Variants in KCNH7 observed in about 807,000 individuals in gnomAD.
The protein encoded by KCNH7 is voltage-gated inwardly rectifying potassium channel KCNH7.
In KCNH7, 49 loss-of-function variants were observed where a neutral mutation model predicts 120.8. The ratio of observed to expected loss-of-function variants is 0.41; its 90% CI spans 0.32 to 0.51. The LOEUF is 0.51. Ranked by LOEUF, KCNH7 falls within the 20% of genes least tolerant of loss-of-function variation. KCNH7 has a pLI of 0.38. For missense variants in KCNH7, 1,097 were observed against 1,446.6 expected, an observed-to-expected ratio of 0.76 and a Z score of 3.92; for synonymous variants, 547 against 516.1, an observed-to-expected ratio of 1.06 and a Z score of -0.81.
intron 2 of KCNH7, among the ~76,000 whole-genome samples, chr2:162,631,444 C>A (rs1239197313): frequency 1.3e-5 from 2 of 152,016 alleles, no homozygotes; most frequent in African/African-American, 2.4e-5. Context: ...TGTATCTGAA[C>A]TGTTTCTTAT....
chr2:162,436,558 G>A (rs1215514515), intron 7 of KCNH7, among the ~76,000 whole-genome samples: 2 of 151,972 alleles, frequency 1.3e-5, no homozygotes, highest in Admixed American at 1.3e-4. Context: ...CATTTCTTAG[G>A]TTTCCTAAAT....
chr2:162,408,764 T>C (rs918811287), intron 9 of KCNH7, among the ~76,000 whole-genome samples: 1 of 151,790 alleles, frequency 6.6e-6, no homozygotes, highest in South Asian at 2.1e-4. Flanking sequence ...ATCTGAAAAG[T>C]AGAAATTTTA....
At chr2:162,654,047 A>G (rs567751032) in intron 2 of KCNH7, among the ~76,000 whole-genome samples, 2 of 152,218 alleles carry the variant, frequency 1.3e-5, no homozygotes, top group South Asian at 4.1e-4. Flanking sequence ...AACTACCGGA[A>G]TAAAACATAG....
chr2:162,378,674 C>A (rs759423495), intron 14 of KCNH7, among the ~76,000 whole-genome samples: 1 of 152,138 alleles, frequency 6.6e-6, no homozygotes, highest in Non-Finnish European at 1.5e-5. Context: ...ACAAATTATT[C>A]TCAGGTCACC....
chr2:162,596,503 A>G (rs1447405961), intron 2 of KCNH7, among the ~76,000 whole-genome samples: 1 of 152,032 alleles, frequency 6.6e-6, no homozygotes, highest in Non-Finnish European at 1.5e-5. Context: ...GGCTCTCTAC[A>G]TGCACAATAA....
At chr2:162,811,992 A>G (rs1404796343) in intron 2 of KCNH7, among the ~76,000 whole-genome samples, 1 of 152,226 alleles carries the variant, frequency 6.6e-6, no homozygotes, top group Non-Finnish European at 1.5e-5. Flanking sequence ...TCAAAGAAAT[A>G]GAATAAATTA....
At chr2:162,477,183 G>C (rs560202205) in intron 6 of KCNH7, among the ~76,000 whole-genome samples, 1 of 152,324 alleles carries the variant, frequency 6.6e-6, no homozygotes, top group South Asian at 2.1e-4. Flanking sequence ...TGAAAGCTTA[G>C]AGCCTTATGA....
intron 2 of KCNH7, among the ~76,000 whole-genome samples, chr2:162,745,299 G>C (rs915525515): frequency 6.6e-6 from 1 of 152,018 alleles, no homozygotes; most frequent in Non-Finnish European, 1.5e-5. Context: ...CTTAAAAGAG[G>C]CTCACTTACC....
chr2:162,679,994 A>G (rs1056025644), intron 2 of KCNH7, among the ~76,000 whole-genome samples: 3 of 151,822 alleles, frequency 2.0e-5, no homozygotes, highest in Non-Finnish European at 4.4e-5. Flanking sequence ...CTAAATCAAT[A>G]AAGAATATGG....
At chr2:162,472,551 A>T (rs1322415464) in intron 6 of KCNH7, among the ~76,000 whole-genome samples, 2 of 152,176 alleles carry the variant, frequency 1.3e-5, no homozygotes, top group Non-Finnish European at 2.9e-5. Flanking sequence ...ACCATCTCAC[A>T]CCACTTAGAA....
intron 9 of KCNH7, among the ~76,000 whole-genome samples, chr2:162,415,914 T>C (rs1458991189): frequency 6.6e-6 from 1 of 152,200 alleles, no homozygotes; most frequent in Non-Finnish European, 1.5e-5. Context: ...CCACCCATGA[T>C]TTCTCTAGGC....
At chr2:162,380,956 G>A (rs1197343556) in intron 13 of KCNH7, among the ~76,000 whole-genome samples, 2 of 151,938 alleles carry the variant, frequency 1.3e-5, no homozygotes, top group Non-Finnish European at 2.9e-5. Context: ...ATATTTGGGG[G>A]AAAATATGTC....
chr2:162,426,885 C>A (rs979767906), intron 8 of KCNH7, among the ~76,000 whole-genome samples: 2 of 151,826 alleles, frequency 1.3e-5, no homozygotes, highest in Non-Finnish European at 2.9e-5. Flanking sequence ...TCACTTCAGA[C>A]CTTAGACAAC....
intron 2 of KCNH7, among the ~76,000 whole-genome samples, chr2:162,724,405 G>A (rs1687439637): frequency 6.6e-6 from 1 of 152,086 alleles, no homozygotes; most frequent in African/African-American, 2.4e-5. Flanking sequence ...GGGCGCGGTG[G>A]CTCACGCCTG....
chr2:162,629,813 C>T (rs1053822717), intron 2 of KCNH7, among the ~76,000 whole-genome samples: 1 of 152,000 alleles, frequency 6.6e-6, no homozygotes, highest in Non-Finnish European at 1.5e-5. Context: ...CAAATGTTTA[C>T]CATCACAACA....
chr2:162,406,574 A>C (rs1687231202), intron 9 of KCNH7, among the ~76,000 whole-genome samples: 1 of 151,970 alleles, frequency 6.6e-6, no homozygotes, highest in Non-Finnish European at 1.5e-5. Context: ...ACAAATTAGG[A>C]TTAATTAAAA....
At chr2:162,777,623 C>G (rs1683293972) in intron 2 of KCNH7, among the ~76,000 whole-genome samples, 2 of 152,102 alleles carry the variant, frequency 1.3e-5, no homozygotes, top group Admixed American at 1.3e-4. Flanking sequence ...CACTGTATTA[C>G]AGTATCTCAT....
intron 2 of KCNH7, among the ~76,000 whole-genome samples, chr2:162,624,379 A>T (rs73028530): frequency 0.05 from 7,673 of 152,170 alleles, 360 homozygotes; most frequent in East Asian, 0.18. Context: ...TGTATCCCCT[A>T]TGGATAAGAG....
At chr2:162,762,491 A>G (rs993472440) in intron 2 of KCNH7, among the ~76,000 whole-genome samples, 3 of 151,992 alleles carry the variant, frequency 2.0e-5, no homozygotes, top group Non-Finnish European at 2.9e-5. Flanking sequence ...TTCTGATACA[A>G]TTACCAGATG....
Sources: gnomAD v4.1 joint callset for allele counts (sites outside exome capture counted in the v4.1 genomes callset) on GRCh38, gnomAD v4.1.1 for gene constraint, MANE v1.5 for transcripts, NCBI Gene and HGNC (gene_info 2026-07-23, HGNC 2026-07-21) for gene names.